The following NDUFB6 variants were observed in gnomAD, a reference collection of about 807,000 sequenced individuals.
The protein encoded by NDUFB6 is NADH dehydrogenase [ubiquinone] 1 beta subcomplex subunit 6.
Under a neutral mutation model 17.5 loss-of-function variants are expected in NDUFB6, and 23 were observed. The ratio of observed to expected loss-of-function variants is 1.31; its 90% CI spans 0.94 to 1.86. The LOEUF is 1.86. NDUFB6 is among the 40% of genes most tolerant of loss of function. NDUFB6 has a pLI of 0.00. For synonymous variants in NDUFB6, 60 were observed against 53.5 expected, an observed-to-expected ratio of 1.12 and a Z score of -0.53; for missense variants, 167 against 153.8, an observed-to-expected ratio of 1.09 and a Z score of -0.46.
At chr9:32,557,859 G>C (rs906580170) in intron 3 of NDUFB6, among the ~76,000 whole-genome samples, 1 of 152,098 alleles carries the variant, frequency 6.6e-6, no homozygotes, top group Non-Finnish European at 1.5e-5. Context: ...TTCCCCTGTT[G>C]CAACAGATAA....
At chr9:32,554,949 T>A (rs551232673) in intron 3 of NDUFB6, among the ~76,000 whole-genome samples, 1 of 152,326 alleles carries the variant, frequency 6.6e-6, no homozygotes, top group African/African-American at 2.4e-5. Flanking sequence ...TAGTATGTGT[T>A]TGGATCCTTG....
At chr9:32,566,453 A>G in intron 2 of NDUFB6, 1 of 815,480 alleles carries the variant, frequency 1.2e-6, no homozygotes, top group East Asian at 2.4e-5. Context: ...GAGTATCTTG[A>G]CAAGCAGCCG....
chr9:32,553,849 T>C lies in NDUFB6; in HGVS notation c.*27A>G. ...TAATATAGGAACAAACTTAGGCTCA[T>C]AAGCCTTTTAACTTTTTACATAATC... On this transcript the variant is annotated 3_prime_UTR_variant, in exon 4 of 4. Transcript: ENST00000379847. The C allele has an allele frequency of 2.7e-6, 4 of 1,456,156 alleles. No homozygotes were observed. The highest frequency in any genetic ancestry group is 3.8e-6 in the Non-Finnish European group (4 of 1,041,638). The allele number at this position is 1,456,156 out of a possible 1,614,324, so 90.2% of individuals were successfully genotyped here.
intron 2 of NDUFB6, among the ~76,000 whole-genome samples, chr9:32,561,546 C>T (rs1336836034): frequency 6.6e-6 from 1 of 152,070 alleles, no homozygotes; most frequent in Admixed American, 6.6e-5. Context: ...CCAGGCTGGT[C>T]TCGAACCTCT....
chr9:32,558,035 A>G (rs951920244), intron 3 of NDUFB6, among the ~76,000 whole-genome samples: 3 of 152,226 alleles, frequency 2.0e-5, no homozygotes, highest in African/African-American at 7.2e-5. Flanking sequence ...GCTAGTAAAT[A>G]CCAACTGACT....
At chr9:32,558,213 G>A (rs1283845631) in intron 3 of NDUFB6, among the ~76,000 whole-genome samples, 1 of 148,054 alleles carries the variant, frequency 6.8e-6, no homozygotes, top group African/African-American at 2.5e-5. Flanking sequence ...CCAGGTTCAC[G>A]CCATTCTCCT....
At position 32,553,144 on chromosome 9, in the gene NDUFB6, G is replaced by T; in HGVS notation, c.*732C>A. On this transcript the variant is annotated 3_prime_UTR_variant, in exon 4 of 4. Coordinates refer to ENST00000379847, the MANE Select transcript of NDUFB6 (RefSeq NM_002493.5). ...TGACAGTCTTGAGTGTCAGATCATA[G>T]TTGGAATAAGCTTTTCAATCAAGTT... 2.4e-6 allele frequency: 1 copy of T among 420,310 alleles called. No individual in the cohort carries two copies. Among genetic ancestry groups the T allele is most frequent in the Non-Finnish European group, 4.2e-6 (1 of 236,736 alleles). The allele number at this position is 420,310 out of a possible 1,614,324, so 26.0% of individuals were successfully genotyped here.
Position 32,572,982 on chromosome 9 carries a change from C to G in NDUFB6, c.79G>C (p.Glu27Gln). The change falls in exon 1 of 4, where the codon GAG becomes CAG. Residue 27 changes from glutamate (E) to glutamine (Q), a missense_variant. Transcript: ENST00000379847. ...ELRRRWLKDQ[E>Q]LSPREPVLPP... The stretch of plus-strand genomic sequence containing the variant: ...AGCACCGGCTCCCGAGGGCTCAGCT[C>G]CTGGTCCTTCAGCCATCGCCTTCTC... The G allele has an allele frequency of 6.2e-7, 1 of 1,612,078 alleles. No individual in the cohort carries two copies. Among genetic ancestry groups the G allele is most frequent in the Non-Finnish European group, 8.5e-7 (1 of 1,178,964 alleles).
chr9:32,559,046 T>G, intron 2 of NDUFB6, 92 bp from the exon 3 acceptor site: 1 of 814,394 alleles, frequency 1.2e-6, no homozygotes, highest in Non-Finnish European at 2.0e-6. Flanking sequence ...TAACTTAAGC[T>G]CCAAACTTTC....
intron 2 of NDUFB6, chr9:32,566,851 C>T (rs41274003): frequency 0.024 from 19,896 of 816,354 alleles, 280 homozygotes; most frequent in Non-Finnish European, 0.03. Context: ...CAGTAGCTGC[C>T]GGGCGGCCTG....
At position 32,558,252 on chromosome 9, in the gene NDUFB6, C is replaced by A. The variant is rs546068085; in HGVS notation, c.318+658G>T. On this transcript the variant is annotated intron_variant, in intron 3 of 3. Coordinates refer to ENST00000379847, the MANE Select transcript of NDUFB6 (RefSeq NM_002493.5). ...TCAGCCTCTCGAGTAGCTGGGACTACAGGCGCCCGCCACCACGCCCAGCTA... is the reference window on the plus strand; with the variant it reads ...TCAGCCTCTCGAGTAGCTGGGACTAAAGGCGCCCGCCACCACGCCCAGCTA... Among the ~76,000 whole-genome samples, 4 of 152,142 alleles carry A rather than the reference C, an allele frequency of 2.6e-5. No homozygotes were observed. The East Asian group carries it at 7.8e-4, about 29-fold the overall frequency.
chr9:32,570,779 T>C (rs1299029787), intron 2 of NDUFB6, among the ~76,000 whole-genome samples, 181 bp downstream of exon 2: 2 of 152,210 alleles, frequency 1.3e-5, no homozygotes, highest in Non-Finnish European at 2.9e-5. Flanking sequence ...CTAGTGACAA[T>C]ATTTTTTAAA....
At chr9:32,561,008 G>A (rs142385154) in intron 2 of NDUFB6, among the ~76,000 whole-genome samples, 480 of 152,146 alleles carry the variant, frequency 3.2e-3, no homozygotes, top group Non-Finnish European at 4.7e-3. Context: ...TCTTCTCTAG[G>A]GTCTTACATG....
At chr9:32,565,223 G>A (rs1186466624) in intron 2 of NDUFB6, among the ~76,000 whole-genome samples, 4 of 151,702 alleles carry the variant, frequency 2.6e-5, no homozygotes, top group African/African-American at 9.7e-5. Flanking sequence ...AACCCAGGAG[G>A]CAGAGGTCGC....
Position 32,573,133 on chromosome 9 carries a change from C to T in NDUFB6, c.-73G>A, listed in dbSNP as rs141060013. 6.3e-6 allele frequency: 9 copies of T among 1,419,788 alleles called. No homozygotes were observed. In the African/African-American group the frequency reaches 1.3e-4, roughly 21 times the overall value. The allele number at this position is 1,419,788 out of a possible 1,614,324, so 87.9% of individuals were successfully genotyped here. A position where few individuals can be genotyped will look rare whatever the true frequency, so the allele number is the denominator to read the frequency against. Reference sequence around the variant, plus strand: ...CGGACTAGTTACTTAAGCGCGCTCCCGCTCTGCAAAGCGACCTTGCGGGAA... The same window carrying T: ...CGGACTAGTTACTTAAGCGCGCTCCTGCTCTGCAAAGCGACCTTGCGGGAA... On this transcript the variant is annotated 5_prime_UTR_variant, in exon 1 of 4. Transcript: ENST00000379847.
At chr9:32,559,402 A>C (rs1821565194) in intron 2 of NDUFB6, among the ~76,000 whole-genome samples, 1 of 152,238 alleles carries the variant, frequency 6.6e-6, no homozygotes, top group Admixed American at 6.5e-5. Context: ...TATGCAAATG[A>C]AAAGTCTATT....
intron 3 of NDUFB6, among the ~76,000 whole-genome samples, chr9:32,555,750 A>C (rs1361445997): frequency 6.6e-6 from 1 of 152,240 alleles, no homozygotes; most frequent in Admixed American, 6.5e-5. Flanking sequence ...CATGCTTCCC[A>C]ATACCATTTA....
intron 2 of NDUFB6, among the ~76,000 whole-genome samples, chr9:32,562,345 G>A (rs533269782): frequency 1.4e-4 from 22 of 152,234 alleles, no homozygotes; most frequent in South Asian, 6.2e-4. Flanking sequence ...CTTAGTACAC[G>A]GAACAAAGAT....
chr9:32,566,744 C>T (rs1171321352), intron 2 of NDUFB6: 14 of 918,874 alleles, frequency 1.5e-5, no homozygotes, highest in South Asian at 6.5e-5. Context: ...CAAACCACAG[C>T]GGGTCCTCAG....
Sources: allele counts gnomAD v4.1 joint callset (sites outside exome capture counted in the v4.1 genomes callset), GRCh38; gene constraint gnomAD v4.1.1; transcripts MANE v1.5; gene names NCBI Gene and HGNC (gene_info 2026-07-23, HGNC 2026-07-21).